The following CTNNA3 variants were observed in gnomAD, a reference collection of about 807,000 sequenced individuals.
CTNNA3 encodes catenin alpha-3.
Under a neutral mutation model 95.7 loss-of-function variants are expected in CTNNA3, and 76 were observed. The observed-to-expected ratio is 0.79, with a 90% CI of 0.66 to 0.96. CTNNA3 has a LOEUF of 0.96. Ranked by LOEUF, CTNNA3 falls within the 40% of genes least tolerant of loss-of-function variation. CTNNA3 has a pLI of 0.00. For missense variants in CTNNA3, 1,191 were observed against 1,089.8 expected, an observed-to-expected ratio of 1.09 and a Z score of -1.31; for synonymous variants, 431 against 374.4, an observed-to-expected ratio of 1.15 and a Z score of -1.74.
At chr10:67,249,586 G>A (rs926349578) in intron 5 of CTNNA3, among the ~76,000 whole-genome samples, 1 of 152,098 alleles carries the variant, frequency 6.6e-6, no homozygotes, top group African/African-American at 2.4e-5. Flanking sequence ...TACCGAGCTT[G>A]TAAATAAAGA....
At chr10:67,254,929 T>C (rs1826478038) in intron 5 of CTNNA3, among the ~76,000 whole-genome samples, 1 of 152,230 alleles carries the variant, frequency 6.6e-6, no homozygotes, top group East Asian at 1.9e-4. Context: ...CATGACTGTT[T>C]ATCAAATGAA....
intron 13 of CTNNA3, among the ~76,000 whole-genome samples, chr10:66,256,041 A>G (rs1428111685): frequency 6.6e-6 from 1 of 152,160 alleles, no homozygotes; most frequent in Non-Finnish European, 1.5e-5. Flanking sequence ...CTGACACAGA[A>G]CCCAACTGGC....
chr10:66,574,631 T>C (rs77377197), intron 10 of CTNNA3, among the ~76,000 whole-genome samples: 2,238 of 152,170 alleles, frequency 0.015, 54 homozygotes, highest in African/African-American at 0.051. Flanking sequence ...TGTTTTTTTT[T>C]CCCCTCTTTA....
chr10:66,147,572 C>G (rs2083953775), intron 13 of CTNNA3, among the ~76,000 whole-genome samples: 1 of 146,026 alleles, frequency 6.8e-6, no homozygotes, highest in Non-Finnish European at 1.5e-5. Context: ...CATGGTATTT[C>G]AGACAGCCTT....
chr10:67,581,684 G>A (rs1185808365), intron 3 of CTNNA3, among the ~76,000 whole-genome samples: 1 of 152,146 alleles, frequency 6.6e-6, no homozygotes, highest in Non-Finnish European at 1.5e-5. Context: ...GAATCTGCCT[G>A]GTCCTGGACT....
chr10:66,405,757 C>T (rs2132576289), intron 11 of CTNNA3, among the ~76,000 whole-genome samples: 1 of 152,250 alleles, frequency 6.6e-6, no homozygotes, highest in South Asian at 2.1e-4. Flanking sequence ...CTATGCTGCA[C>T]TAGCTTGCAA....
chr10:66,008,898 A>G (rs191985285), intron 15 of CTNNA3, among the ~76,000 whole-genome samples: 1,858 of 152,094 alleles, frequency 0.012, 31 homozygotes, highest in African/African-American at 0.043. Flanking sequence ...TCAGGAGTTC[A>G]AGACCAGCCT....
chr10:66,283,345 C>T (rs900352721), intron 12 of CTNNA3, among the ~76,000 whole-genome samples: 4 of 151,786 alleles, frequency 2.6e-5, no homozygotes, highest in Non-Finnish European at 4.4e-5. Context: ...TCTCATATAC[C>T]AAACAAGTGT....
intron 9 of CTNNA3, among the ~76,000 whole-genome samples, chr10:66,754,294 A>C (rs1361259825): frequency 6.6e-6 from 1 of 152,198 alleles, no homozygotes; most frequent in East Asian, 1.9e-4. Context: ...AATGAGCTGG[A>C]ATAAATGGGA....
chr10:66,840,323 ATCTCTCTCTCTCTCTC>A (rs71035189), intron 7 of CTNNA3, among the ~76,000 whole-genome samples: 346 of 90,648 alleles, frequency 3.8e-3, no homozygotes, highest in Non-Finnish European at 5.0e-3. Flanking sequence ...CCAAGAAGCC[ATCTCTCTCTCTCTCTC>A]TCTCTCTCTC....
At chr10:66,876,377 A>T (rs6480230) in intron 7 of CTNNA3, among the ~76,000 whole-genome samples, 65,452 of 152,012 alleles carry the variant, frequency 0.43, 14,397 homozygotes, top group Non-Finnish European at 0.46. Flanking sequence ...AAGCCTTTGT[A>T]TTAATTTTGT....
At chr10:66,266,371 T>G (rs1003743420) in intron 13 of CTNNA3, among the ~76,000 whole-genome samples, 1 of 152,022 alleles carries the variant, frequency 6.6e-6, no homozygotes, top group Non-Finnish European at 1.5e-5. Context: ...TCTTTCAGCC[T>G]TCTCTGATTG....
chr10:66,874,854 T>C (rs1397564871), intron 7 of CTNNA3, among the ~76,000 whole-genome samples: 1 of 152,214 alleles, frequency 6.6e-6, no homozygotes, highest in Admixed American at 6.6e-5. Flanking sequence ...TCAACAAATA[T>C]GTAAAACTCT....
chr10:67,335,312 G>T (rs1841956698), intron 5 of CTNNA3, among the ~76,000 whole-genome samples: 1 of 152,150 alleles, frequency 6.6e-6, no homozygotes, highest in African/African-American at 2.4e-5. Context: ...GCCAGGATAG[G>T]CACCAGCCAC....
At chr10:66,278,931 T>C (rs1386202185) in intron 13 of CTNNA3, among the ~76,000 whole-genome samples, 1 of 152,046 alleles carries the variant, frequency 6.6e-6, no homozygotes, top group African/African-American at 2.4e-5. Context: ...CTAAAAATTT[T>C]GCAACAAGAA....
intron 3 of CTNNA3, among the ~76,000 whole-genome samples, chr10:67,586,144 T>C (rs1331645182): frequency 1.3e-5 from 2 of 152,210 alleles, no homozygotes; most frequent in African/African-American, 2.4e-5. Context: ...AAAGTTCCTC[T>C]TGGTATTGAT....
intron 5 of CTNNA3, among the ~76,000 whole-genome samples, chr10:67,282,856 TC>T (rs1356267937): frequency 6.6e-6 from 1 of 152,132 alleles, no homozygotes; most frequent in Non-Finnish European, 1.5e-5. Flanking sequence ...TGTCTCTCAG[TC>T]CCATTCTCCC....
chr10:67,089,857 G>T (rs1857527918), intron 7 of CTNNA3, among the ~76,000 whole-genome samples: 1 of 151,516 alleles, frequency 6.6e-6, no homozygotes. Context: ...CTATAATTTT[G>T]CCAGAGAGCA....
chr10:66,567,898 T>C (rs1304268985), intron 10 of CTNNA3, among the ~76,000 whole-genome samples: 1 of 152,200 alleles, frequency 6.6e-6, no homozygotes, highest in Non-Finnish European at 1.5e-5. Context: ...AAACTTCATT[T>C]GCTCTTCTGA....
Sources: gnomAD v4.1 joint callset for allele counts (sites outside exome capture counted in the v4.1 genomes callset) on GRCh38, gnomAD v4.1.1 for gene constraint, MANE v1.5 for transcripts, NCBI Gene and HGNC (gene_info 2026-07-23, HGNC 2026-07-21) for gene names.